Variants in GRID2 observed in about 807,000 individuals in gnomAD.
The protein encoded by GRID2 is glutamate receptor ionotropic, delta-2.
In GRID2, 33 loss-of-function variants were observed where a neutral mutation model predicts 114.8. The observed-to-expected ratio is 0.29, with a 90% CI of 0.22 to 0.38. The LOEUF (loss-of-function observed/expected upper bound fraction) is 0.38. Among genes scored for constraint, GRID2 ranks in the 10% least tolerant of loss-of-function variants. The probability of loss-of-function intolerance (pLI) is 1.00; values close to 1 mark genes in which losing one functional copy is unlikely to be tolerated. For missense variants in GRID2, 1,184 were observed against 1,257.7 expected, an observed-to-expected ratio of 0.94 and a Z score of 0.89; for synonymous variants, 505 against 449.9, an observed-to-expected ratio of 1.12 and a Z score of -1.55.
chr4:93,697,869 G>GTATAGATGTAGATATATACATATATATA (rs1727165788), intron 14 of GRID2, among the ~76,000 whole-genome samples: 1 of 122,658 alleles, frequency 8.2e-6, no homozygotes, highest in African/African-American at 3.0e-5. Context: ...CACAATGTGT[G>GTATAGATGTAGATATATACATATATATA]TATATATATA....
intron 13 of GRID2, among the ~76,000 whole-genome samples, chr4:93,536,644 CTTCTTT>C (rs1009433376): frequency 7.7e-5 from 6 of 77,870 alleles, no homozygotes; most frequent in African/African-American, 3.5e-4. Context: ...ATATTTTTGA[CTTCTTT>C]TTTTTTTTTT....
rs374995564 is a variant in GRID2 at position 92,683,134 on chromosome 4, C to T, written c.244+92848C>T. Among the ~76,000 whole-genome samples the T allele has an allele frequency of 1.2e-4, 18 of 152,130 alleles. No homozygotes were observed. In the East Asian group the frequency reaches 2.5e-3, roughly 21 times the overall value. ...CTAACACGGTGAAACCTTGCCTCTA[C>T]TAAAAATACCAAAACTTAGCTGGGC... On this transcript the variant is annotated intron_variant, in intron 2 of 15. Coordinates refer to ENST00000282020, the MANE Select transcript of GRID2 (RefSeq NM_001510.4).
chr4:92,666,379 A>G (rs1458414820), intron 2 of GRID2, among the ~76,000 whole-genome samples: 1 of 151,530 alleles, frequency 6.6e-6, no homozygotes, highest in Non-Finnish European at 1.5e-5. Context: ...GTCATTTTCT[A>G]GTAGATCTAC....
chr4:93,175,979 A>C (rs1042416797), intron 4 of GRID2, among the ~76,000 whole-genome samples: 1 of 152,146 alleles, frequency 6.6e-6, no homozygotes, highest in African/African-American at 2.4e-5. Context: ...TGAGGCTTTA[A>C]CTTTGGCTTT....
At chr4:92,940,829 G>C (rs541466445) in intron 2 of GRID2, among the ~76,000 whole-genome samples, 368 of 152,264 alleles carry the variant, frequency 2.4e-3, no homozygotes, top group African/African-American at 8.1e-3. Context: ...AGATAATCAT[G>C]TGGTTTTTGT....
intron 2 of GRID2, among the ~76,000 whole-genome samples, chr4:92,639,986 C>A (rs1281265446): frequency 6.6e-6 from 1 of 151,820 alleles, no homozygotes; most frequent in Non-Finnish European, 1.5e-5. Context: ...CTAACACAGA[C>A]ACTTCGGCTG....
At chr4:93,446,595 A>G (rs1722115953) in intron 10 of GRID2, among the ~76,000 whole-genome samples, 1 of 152,068 alleles carries the variant, frequency 6.6e-6, no homozygotes, top group African/African-American at 2.4e-5. Context: ...TGTGAGAGCT[A>G]AAGTGAATTG....
Position 93,047,635 on chromosome 4 carries a change from C to T in GRID2, c.245-37360C>T, listed in dbSNP as rs183618209. Among the ~76,000 whole-genome samples, 182 of 152,068 alleles carry T rather than the reference C, an allele frequency of 1.2e-3. 1 individual carries two copies. Among genetic ancestry groups the T allele is most frequent in the African/African-American group, 4.0e-3 (168 of 41,494 alleles). ...CAAAAATCAGAATTATTGTACTTAT[C>T]ATAGAATTGTGAATAAATTTAATCA... On this transcript the variant is annotated intron_variant, in intron 2 of 15. Coordinates refer to ENST00000282020, the MANE Select transcript of GRID2 (RefSeq NM_001510.4).
intron 2 of GRID2, among the ~76,000 whole-genome samples, chr4:92,860,335 G>A (rs559210576): frequency 3.2e-4 from 48 of 152,164 alleles, no homozygotes; most frequent in African/African-American, 1.1e-3. Flanking sequence ...TTGCTTACTC[G>A]AGATGTTGGT....
At chr4:92,969,164 A>G (rs1753338604) in intron 2 of GRID2, among the ~76,000 whole-genome samples, 1 of 151,604 alleles carries the variant, frequency 6.6e-6, no homozygotes, top group Non-Finnish European at 1.5e-5. Context: ...CAGCTAGAGT[A>G]AAGTCAAATT....
chr4:92,617,184 T>C (rs542178341), intron 2 of GRID2, among the ~76,000 whole-genome samples: 1 of 151,530 alleles, frequency 6.6e-6, no homozygotes, highest in Admixed American at 6.6e-5. Flanking sequence ...TGTGTCTGTG[T>C]ACCCTTACTA....
chr4:92,633,427 T>A (rs951592451), intron 2 of GRID2, among the ~76,000 whole-genome samples: 3 of 152,088 alleles, frequency 2.0e-5, no homozygotes, highest in African/African-American at 7.2e-5. Flanking sequence ...AAGAGCCAGA[T>A]GGAGAGGTTG....
At chr4:92,749,237 C>T (rs1162512662) in intron 2 of GRID2, among the ~76,000 whole-genome samples, 3 of 151,170 alleles carry the variant, frequency 2.0e-5, no homozygotes, top group African/African-American at 7.3e-5. Flanking sequence ...CTCTTGACCT[C>T]GTGATCTGCC....
intron 2 of GRID2, among the ~76,000 whole-genome samples, chr4:93,057,046 A>G (rs1727313116): frequency 6.6e-6 from 1 of 151,906 alleles, no homozygotes; most frequent in Non-Finnish European, 1.5e-5. Context: ...ATAAGCATGC[A>G]AATAAAAACA....
intron 1 of GRID2, among the ~76,000 whole-genome samples, chr4:92,308,576 T>G (rs528486439): frequency 6.2e-4 from 94 of 152,256 alleles, no homozygotes; most frequent in African/African-American, 2.1e-3. Context: ...ATGAGAATGT[T>G]CAAATTAAAG....
chr4:93,650,609 G>T (rs1263177755), intron 14 of GRID2, among the ~76,000 whole-genome samples: 1 of 152,102 alleles, frequency 6.6e-6, no homozygotes, highest in Non-Finnish European at 1.5e-5. Context: ...TTGTATAGTG[G>T]TGTGTGAAAC....
intron 1 of GRID2, among the ~76,000 whole-genome samples, chr4:93,800,246 A>G (rs1336529359): frequency 6.6e-6 from 1 of 152,230 alleles, no homozygotes; most frequent in African/African-American, 2.4e-5. Flanking sequence ...AATCCTGTGT[A>G]AACGAGGAGA....
chr4:93,171,049 G>A lies in GRID2; in HGVS notation c.736-36355G>A, dbSNP rs184193321. ...CGGTTTATACTCAGTACAAAAAGTA[G>A]AATCATCTTTTAAAAATTTAGATCA... On this transcript the variant is annotated intron_variant, in intron 4 of 15. Transcript: ENST00000282020. Among the ~76,000 whole-genome samples, 636 of 152,184 alleles carry A rather than the reference G, an allele frequency of 4.2e-3. 8 individuals are homozygous for A. Among genetic ancestry groups the A allele is most frequent in the African/African-American group, 0.015 (613 of 41,520 alleles).
chr4:92,962,919 G>T (rs1409380303), intron 2 of GRID2, among the ~76,000 whole-genome samples: 3 of 151,928 alleles, frequency 2.0e-5, no homozygotes, highest in African/African-American at 7.2e-5. Flanking sequence ...GACATTGAAG[G>T]TTCAGTTCCA....
Sources: gnomAD v4.1 joint callset for allele counts (sites outside exome capture counted in the v4.1 genomes callset) on GRCh38, gnomAD v4.1.1 for gene constraint, MANE v1.5 for transcripts, NCBI Gene and HGNC (gene_info 2026-07-23, HGNC 2026-07-21) for gene names.